Variants in TG observed in about 807,000 individuals in gnomAD.
TG encodes thyroglobulin.
A neutral mutation model predicts 324.7 loss-of-function variants in TG; 270 were observed. The ratio of observed to expected loss-of-function variants is 0.83; its 90% CI spans 0.75 to 0.92. TG has a LOEUF of 0.92. TG is among the 40% of genes least tolerant of loss of function. The pLI, the probability that TG is intolerant of heterozygous loss-of-function variation, is 0.00. For missense variants in TG, 3,591 were observed against 3,456.4 expected (o/e 1.04, Z -0.98); for synonymous variants, 1,401 against 1,327.0 (o/e 1.06, Z -1.21).
intron 46 of TG, 184 bp from the exon 47 acceptor site, chr8:133,133,286 T>C (rs1490312011): frequency 2.9e-6 from 2 of 683,566 alleles, no homozygotes; most frequent in South Asian, 1.7e-5. Flanking sequence ...TTTGCAGTGC[T>C]AGCTTTGCAG....
intron 26 of TG, among the ~76,000 whole-genome samples, chr8:132,944,663 C>G (rs1203734607): frequency 6.6e-6 from 1 of 152,124 alleles, no homozygotes; most frequent in African/African-American, 2.4e-5. Flanking sequence ...TGCTCTACTC[C>G]CCCTCCCACC....
chr8:133,099,277 T>A (rs1353967886), intron 43 of TG, among the ~76,000 whole-genome samples: 1 of 152,234 alleles, frequency 6.6e-6, no homozygotes, highest in Admixed American at 6.5e-5. Flanking sequence ...AGACCGTTCG[T>A]TTCTGGCTTC....
chr8:133,120,267 C>G (rs537132877), intron 45 of TG, among the ~76,000 whole-genome samples: 26 of 152,138 alleles, frequency 1.7e-4, no homozygotes. Flanking sequence ...TTTACAGTGG[C>G]AAAATAAAAA....
intron 14 of TG, 94 bp from the exon 15 acceptor site, chr8:132,900,143 T>G: frequency 9.3e-7 from 1 of 1,078,106 alleles, no homozygotes; most frequent in Non-Finnish European, 1.4e-6. Flanking sequence ...TCACCTGTTG[T>G]TTTGGAAGGG....
At chr8:132,915,310 G>T (rs1056922784) in intron 20 of TG, among the ~76,000 whole-genome samples, 1 of 152,194 alleles carries the variant, frequency 6.6e-6, no homozygotes, top group African/African-American at 2.4e-5. Flanking sequence ...TATCTCCTCT[G>T]ACTGTCTTCC....
intron 24 of TG, among the ~76,000 whole-genome samples, chr8:132,933,940 G>A (rs1823177585): frequency 6.6e-6 from 1 of 152,132 alleles, no homozygotes; most frequent in African/African-American, 2.4e-5. Flanking sequence ...AGAACCACCT[G>A]CCCCATCAGG....
intron 45 of TG, among the ~76,000 whole-genome samples, chr8:133,131,006 C>T (rs1851905837): frequency 6.6e-6 from 1 of 152,204 alleles, no homozygotes; most frequent in Non-Finnish European, 1.5e-5. Flanking sequence ...GATTGAGAAA[C>T]AAGACAGCTT....
intron 35 of TG, chr8:133,003,046 A>G (rs1833689480): frequency 9.4e-7 from 1 of 1,063,490 alleles, no homozygotes; most frequent in African/African-American, 1.7e-5. Context: ...CATACCAGGT[A>G]CCTCTCCTCT....
intron 41 of TG, among the ~76,000 whole-genome samples, chr8:133,077,309 G>A (rs1845042823): frequency 6.6e-6 from 1 of 152,176 alleles, no homozygotes; most frequent in African/African-American, 2.4e-5. Context: ...CCCGTTCACA[G>A]GAGAAGCTAC....
chr8:132,874,944 A>G (rs576930360), intron 5 of TG, among the ~76,000 whole-genome samples: 1 of 151,898 alleles, frequency 6.6e-6, no homozygotes, highest in African/African-American at 2.4e-5. Context: ...TGCCTACCTC[A>G]TCCATTTATA....
At chr8:132,946,634 CCTCCTCCAAT>C (rs1338435384) in intron 26 of TG, among the ~76,000 whole-genome samples, 1 of 152,154 alleles carries the variant, frequency 6.6e-6, no homozygotes, top group African/African-American at 2.4e-5. Context: ...AAGTCTCTAG[CCTCCTCCAAT>C]CTCCACCCCT....
intron 45 of TG, among the ~76,000 whole-genome samples, chr8:133,123,663 G>A (rs539359398): frequency 6.6e-6 from 1 of 152,156 alleles, no homozygotes; most frequent in African/African-American, 2.4e-5. Flanking sequence ...AGCCCCATCT[G>A]TGTCCTCTGC....
intron 43 of TG, among the ~76,000 whole-genome samples, chr8:133,107,546 A>G (rs938168562): frequency 2.0e-5 from 3 of 152,208 alleles, no homozygotes; most frequent in Admixed American, 2.0e-4. Flanking sequence ...TAAACTGGCA[A>G]TGGCATCTGT....
At chr8:133,008,282 A>T (rs1045774793) in intron 35 of TG, among the ~76,000 whole-genome samples, 10 of 152,222 alleles carry the variant, frequency 6.6e-5, no homozygotes, top group African/African-American at 2.4e-4. Context: ...AGAAACTTTT[A>T]CCATTTGATG....
At chr8:132,939,672 T>TTTG (rs1554674680) in intron 25 of TG, among the ~76,000 whole-genome samples, 2,593 of 147,264 alleles carry the variant, frequency 0.018, 69 homozygotes, top group African/African-American at 0.05. Flanking sequence ...GGTTTTTTTT[T>TTTG]TTTGTTTGTT....
intron 36 of TG, 87 bp from the exon 37 acceptor site, chr8:133,013,513 G>A: frequency 6.6e-7 from 1 of 1,523,434 alleles, no homozygotes; most frequent in Non-Finnish European, 9.1e-7. Context: ...GTGGATGAGT[G>A]GATGGTTGGA....
intron 45 of TG, among the ~76,000 whole-genome samples, chr8:133,127,787 A>G (rs925710427): frequency 1.3e-5 from 2 of 152,116 alleles, no homozygotes; most frequent in Non-Finnish European, 2.9e-5. Context: ...TGCCAGCTGC[A>G]CCAGCCCCCA....
At chr8:132,999,774 T>C (rs1200227022) in intron 35 of TG, among the ~76,000 whole-genome samples, 3 of 152,380 alleles carry the variant, frequency 2.0e-5, no homozygotes, top group East Asian at 1.9e-4. Flanking sequence ...GTGATATTTC[T>C]TCTTAGAAGA....
chr8:132,994,672 A>G (rs1321267093), intron 35 of TG: 1 of 1,285,118 alleles, frequency 7.8e-7, no homozygotes, highest in Non-Finnish European at 1.0e-6. Context: ...TCCTGAAGGA[A>G]CTCAGTTTGA....
Sources: allele counts gnomAD v4.1 joint callset (sites outside exome capture counted in the v4.1 genomes callset), GRCh38; gene constraint gnomAD v4.1.1; transcripts MANE v1.5; gene names NCBI Gene and HGNC (gene_info 2026-07-23, HGNC 2026-07-21).